Variants in LRP1B observed in about 807,000 individuals in gnomAD.
The protein encoded by LRP1B is low-density lipoprotein receptor-related protein 1B.
LRP1B carries 217 observed loss-of-function variants against 556.6 expected under a neutral mutation model. The ratio of observed to expected loss-of-function variants is 0.39; its 90% CI spans 0.35 to 0.44. The LOEUF (loss-of-function observed/expected upper bound fraction) is 0.44. Among genes scored for constraint, LRP1B ranks in the 20% least tolerant of loss-of-function variants. The pLI is 1.00. For missense variants in LRP1B, 5,053 were observed against 5,620.8 expected, an observed-to-expected ratio of 0.90 and a Z score of 3.23; for synonymous variants, 2,047 against 1,865.8, an observed-to-expected ratio of 1.10 and a Z score of -2.50.
chr2:141,435,282 A>G (rs1680721459), intron 3 of LRP1B, among the ~76,000 whole-genome samples: 1 of 152,154 alleles, frequency 6.6e-6, no homozygotes, highest in Admixed American at 6.5e-5. Context: ...GGCTTTGAAA[A>G]TGCTGTCAAA....
intron 2 of LRP1B, among the ~76,000 whole-genome samples, chr2:141,514,762 G>A (rs1684252093): frequency 6.6e-6 from 1 of 151,982 alleles, no homozygotes; most frequent in Non-Finnish European, 1.5e-5. Context: ...CCTACAGTTG[G>A]GCAAAATTAT....
chr2:142,111,802 C>G (rs551751614), intron 1 of LRP1B, among the ~76,000 whole-genome samples: 2 of 152,034 alleles, frequency 1.3e-5, no homozygotes, highest in African/African-American at 4.8e-5. Flanking sequence ...AACATTATTA[C>G]TAATACTGCT....
intron 2 of LRP1B, among the ~76,000 whole-genome samples, chr2:141,592,830 T>A (rs1223286894): frequency 6.6e-6 from 1 of 152,196 alleles, no homozygotes; most frequent in Admixed American, 6.5e-5. Flanking sequence ...TCCTTGGTAC[T>A]CTGGAGTGTA....
intron 87 of LRP1B, among the ~76,000 whole-genome samples, chr2:140,244,906 T>C (rs937735640): frequency 1.3e-5 from 2 of 151,284 alleles, no homozygotes; most frequent in African/African-American, 2.4e-5. Context: ...TTGACAATCA[T>C]TCAAAACCAC....
At chr2:141,675,114 T>C (rs1690825839) in intron 2 of LRP1B, among the ~76,000 whole-genome samples, 1 of 151,968 alleles carries the variant, frequency 6.6e-6, no homozygotes, top group African/African-American at 2.4e-5. Flanking sequence ...TTTGTGTTCT[T>C]ATTGATTTGT....
At chr2:140,519,536 A>G (rs1318665264) in intron 49 of LRP1B, among the ~76,000 whole-genome samples, 1 of 152,198 alleles carries the variant, frequency 6.6e-6, no homozygotes, top group Non-Finnish European at 1.5e-5. Context: ...AATACCATTC[A>G]GGACATAGGT....
intron 2 of LRP1B, among the ~76,000 whole-genome samples, chr2:141,805,161 C>T (rs999139648): frequency 2.0e-5 from 3 of 152,080 alleles, no homozygotes; most frequent in African/African-American, 7.2e-5. Flanking sequence ...CTTTTCCTAA[C>T]AGAGAGGCTC....
intron 16 of LRP1B, chr2:140,992,569 T>C (rs1697124252): frequency 6.6e-6 from 1 of 152,132 alleles, no homozygotes; most frequent in Admixed American, 6.6e-5. Context: ...ATGAGTTAAC[T>C]CAACTGACTC....
intron 1 of LRP1B, among the ~76,000 whole-genome samples, chr2:142,056,386 C>T (rs10928134): frequency 2.6e-5 from 4 of 151,790 alleles, no homozygotes; most frequent in Non-Finnish European, 4.4e-5. Context: ...CAATTCTGTC[C>T]TAATTATATG....
intron 3 of LRP1B, among the ~76,000 whole-genome samples, chr2:141,439,445 TTAA>T (rs200468042): frequency 0.017 from 2,541 of 151,648 alleles, 43 homozygotes; most frequent in Non-Finnish European, 0.022. Context: ...TTGAAGAAAA[TTAA>T]TAATTTTTTA....
intron 2 of LRP1B, among the ~76,000 whole-genome samples, chr2:141,652,344 G>A (rs2105381314): frequency 6.6e-6 from 1 of 152,284 alleles, no homozygotes; most frequent in South Asian, 2.1e-4. Context: ...ATTTTATGAT[G>A]GAGCTGCTAA....
chr2:141,334,863 A>C (rs2714196), intron 3 of LRP1B, among the ~76,000 whole-genome samples: 89,132 of 151,970 alleles, frequency 0.59, 27,171 homozygotes, highest in African/African-American at 0.7. Flanking sequence ...AGTACATAAT[A>C]TTTTTTTAAA....
At chr2:141,723,735 T>G (rs1017792005) in intron 2 of LRP1B, among the ~76,000 whole-genome samples, 2 of 151,964 alleles carry the variant, frequency 1.3e-5, no homozygotes, top group African/African-American at 4.8e-5. Flanking sequence ...TCAATTCTTC[T>G]GTAGATAAAA....
chr2:140,682,336 G>T (rs1685887599), intron 41 of LRP1B, among the ~76,000 whole-genome samples: 1 of 152,080 alleles, frequency 6.6e-6, no homozygotes. Context: ...CTCCTACTTT[G>T]TACATTCCAT....
chr2:141,423,691 T>C (rs955988385), intron 3 of LRP1B, among the ~76,000 whole-genome samples: 3 of 152,190 alleles, frequency 2.0e-5, no homozygotes, highest in African/African-American at 7.2e-5. Flanking sequence ...GTGCCTGTAG[T>C]AGATTAAAAC....
intron 7 of LRP1B, among the ~76,000 whole-genome samples, chr2:141,087,189 A>AGTAAGTATTTGGT (rs1553457893): frequency 4.7e-5 from 7 of 148,468 alleles, no homozygotes; most frequent in Non-Finnish European, 9.0e-5. Flanking sequence ...AATACTAGTG[A>AGTAAGTATTTGGT]GTATTATGCT....
intron 2 of LRP1B, among the ~76,000 whole-genome samples, chr2:141,677,235 A>G (rs574299797): frequency 1.0e-3 from 152 of 152,256 alleles, no homozygotes; most frequent in African/African-American, 3.5e-3. Flanking sequence ...ATTGAGCCTG[A>G]AAGTCATTTG....
At chr2:141,174,944 G>C (rs1680670491) in intron 7 of LRP1B, among the ~76,000 whole-genome samples, 1 of 152,058 alleles carries the variant, frequency 6.6e-6, no homozygotes, top group African/African-American at 2.4e-5. Flanking sequence ...GGAACTTACT[G>C]GGAACTAGAG....
chr2:141,835,803 T>TACACAC (rs147841421), intron 1 of LRP1B, among the ~76,000 whole-genome samples: 1 of 150,024 alleles, frequency 6.7e-6, no homozygotes, highest in Admixed American at 6.7e-5. Context: ...TAGTGAGGTA[T>TACACAC]ACACACACAC....
Sources: gnomAD v4.1 joint callset for allele counts (sites outside exome capture counted in the v4.1 genomes callset) on GRCh38, gnomAD v4.1.1 for gene constraint, MANE v1.5 for transcripts, NCBI Gene and HGNC (gene_info 2026-07-23, HGNC 2026-07-21) for gene names.